Variants in KIAA0586 observed in about 807,000 individuals in gnomAD.
KIAA0586 encodes the protein KIAA0586.
KIAA0586 carries 144 observed loss-of-function variants against 169.8 expected under a neutral mutation model. That is an observed-to-expected ratio of 0.85 (90% CI 0.74 to 0.97). The LOEUF (loss-of-function observed/expected upper bound fraction) is 0.97, where lower values mean the gene tolerates loss of function less well. Among genes scored for constraint, KIAA0586 ranks in the 50% least tolerant of loss-of-function variants. The pLI is 0.00. For synonymous variants in KIAA0586, 625 were observed against 612.4 expected, an observed-to-expected ratio of 1.02 and a Z score of -0.30; for missense variants, 1,854 against 1,823.0, an observed-to-expected ratio of 1.02 and a Z score of -0.31.
intron 21 of KIAA0586, among the ~76,000 whole-genome samples, chr14:58,484,916 A>ATATATATTTATATATATT (rs2042322124): frequency 3.0e-4 from 1 of 3,308 alleles, no homozygotes; most frequent in Non-Finnish European, 6.7e-4. Flanking sequence ...ATATATATAT[A>ATATATATTTATATATATT]TATATATATT....
intron 29 of KIAA0586, among the ~76,000 whole-genome samples, chr14:58,516,689 CA>C (rs912765564): frequency 1.9e-4 from 29 of 151,958 alleles, no homozygotes; most frequent in Admixed American, 2.0e-4. Flanking sequence ...CTAGAATAGC[CA>C]AAATAACTTT....
At chr14:58,427,532 A>AAAAT (rs916341041), upstream of KIAA0586, 49 of 1,498,034 alleles carry the variant, frequency 3.3e-5, no homozygotes, top group African/African-American at 1.1e-4. Flanking sequence ...GTGCTACCTT[A>AAAAT]AAATAAATAA....
chr14:58,480,161 C>A (rs1161820333), intron 20 of KIAA0586, among the ~76,000 whole-genome samples: 1 of 151,942 alleles, frequency 6.6e-6, no homozygotes, highest in East Asian at 1.9e-4. Context: ...ATAGGTTGGC[C>A]TTCTTTTGCC....
At chr14:58,529,901 G>T (rs1297461460) in intron 29 of KIAA0586, among the ~76,000 whole-genome samples, 1 of 152,160 alleles carries the variant, frequency 6.6e-6, no homozygotes, top group South Asian at 2.1e-4. Context: ...CAAATAGGAA[G>T]GGAGGAAGTC....
At chr14:58,435,677 C>G (rs1392542399) in intron 4 of KIAA0586, among the ~76,000 whole-genome samples, 1 of 152,052 alleles carries the variant, frequency 6.6e-6, no homozygotes, top group Non-Finnish European at 1.5e-5. Context: ...ACATAATACC[C>G]ACAAACTTCT....
intron 10 of KIAA0586, 87 bp from the exon 11 acceptor site, chr14:58,457,672 T>C (rs765303238): frequency 1.3e-6 from 1 of 778,234 alleles, no homozygotes; most frequent in Non-Finnish European, 2.1e-6. Flanking sequence ...TGGTATAATG[T>C]ATGGCCTCAA....
chr14:58,447,453 A>T (rs1429131685), intron 6 of KIAA0586, among the ~76,000 whole-genome samples: 2 of 118,748 alleles, frequency 1.7e-5, no homozygotes, highest in Admixed American at 1.9e-4. Context: ...ATTTTATTTT[A>T]TTTTATTTTA....
chr14:58,512,699 T>G, intron 29 of KIAA0586, 72 bp downstream of exon 29: 1 of 882,724 alleles, frequency 1.1e-6, no homozygotes, highest in Non-Finnish European at 1.7e-6. Flanking sequence ...ATGAGAATTC[T>G]TTACTTTTTA....
At chr14:58,508,417 G>A in intron 27 of KIAA0586, 138 bp from the exon 28 acceptor site, 1 of 641,112 alleles carries the variant, frequency 1.6e-6, no homozygotes, top group South Asian at 2.2e-5. Context: ...GCTTGGTCCA[G>A]GTGTTTTTGT....
chr14:58,473,283 C>CT (rs1292941682), intron 18 of KIAA0586, among the ~76,000 whole-genome samples: 6 of 151,994 alleles, frequency 3.9e-5, no homozygotes, highest in Non-Finnish European at 8.8e-5. Flanking sequence ...GGGAAAGTGG[C>CT]TAGATGAGAC....
chr14:58,560,083 G>A, the KIAA0586 span, among the ~76,000 whole-genome samples: 12 of 151,604 alleles, frequency 7.9e-5, no homozygotes, highest in South Asian at 2.1e-3. Flanking sequence ...CCTGGGAGGC[G>A]GAGGTTGCAG....
intron 27 of KIAA0586, among the ~76,000 whole-genome samples, chr14:58,504,193 C>T (rs2043775076): frequency 6.6e-6 from 1 of 152,036 alleles, no homozygotes; most frequent in South Asian, 2.1e-4. Context: ...GGCAAGGAGC[C>T]TGATTAGACA....
chr14:58,450,290 T>A (rs557189828), intron 7 of KIAA0586, among the ~76,000 whole-genome samples: 48 of 152,332 alleles, frequency 3.2e-4, no homozygotes, highest in African/African-American at 1.2e-3. Flanking sequence ...CCAGATGGTT[T>A]ATCAGTTTTC....
intron 29 of KIAA0586, chr14:58,522,092 C>A (rs529295970): frequency 4.4e-6 from 3 of 678,252 alleles, no homozygotes; most frequent in Non-Finnish European, 7.9e-6. Flanking sequence ...GTATCTTCAG[C>A]ACATGCTCAC....
At chr14:58,555,841 T>C (rs1013480034), downstream of KIAA0586, among the ~76,000 whole-genome samples, 2 of 152,194 alleles carry the variant, frequency 1.3e-5, no homozygotes, top group Non-Finnish European at 2.9e-5. Context: ...CTTGTCTAAA[T>C]TGAGACAATT....
intron 3 of KIAA0586, among the ~76,000 whole-genome samples, chr14:58,431,402 A>G (rs1354895109): frequency 6.6e-6 from 1 of 152,044 alleles, no homozygotes; most frequent in Non-Finnish European, 1.5e-5. Context: ...AGCTGGGATT[A>G]CAGGTGCACA....
chr14:58,487,139 C>G lies in KIAA0586; in HGVS notation c.3277C>G (p.Pro1093Ala), dbSNP rs77810875. 3 of 1,611,848 alleles carry G rather than the reference C, an allele frequency of 1.9e-6. No homozygotes were observed. In the East Asian group the frequency reaches 6.7e-5, roughly 36 times the overall value. ...PCDSDHDMAF[P>A]VKEICAEKGD... The stretch of plus-strand genomic sequence containing the variant: ...TGATTCGGATCATGATATGGCTTTT[C>G]CTGTGAAAGAAATATGTGCTGAAAA... The change falls in exon 22 of 31, where the codon CCT (proline) becomes GCT (alanine). Residue 1093 changes from proline to alanine, a missense_variant. Physicochemically the swap from Pro to Ala is conservative, Grantham distance 27 (BLOSUM62 -1). Transcript: ENST00000652326.
At position 58,450,706 on chromosome 14, in the gene KIAA0586, T is replaced by C; in HGVS notation, c.1089T>C (p.Leu363=). The change falls in exon 8 of 31, where the codon CTT becomes CTC. Residue 363 remains leucine, a synonymous_variant. Coordinates refer to ENST00000652326, the MANE Select transcript of KIAA0586 (RefSeq NM_001329943.3). ...RDDELSKREN[L]LEEKENMEVS... is the part of the protein sequence containing the mutation. ...ATGAACTATCAAAGAGGGAAAATCT[T>C]TTGGAAGAAAAAGAAAATATGGAAG... is the stretch of plus-strand genomic sequence containing the variant. 6.2e-7 allele frequency: 1 copy of C among 1,609,006 alleles called. No individual in the cohort carries two copies. The highest frequency in any genetic ancestry group is 2.2e-5 in the East Asian group (1 of 44,800).
chr14:58,557,775 T>TATAC, the KIAA0586 span, among the ~76,000 whole-genome samples: 1 of 152,078 alleles, frequency 6.6e-6, no homozygotes, highest in African/African-American at 2.4e-5. Context: ...TAGTTAGGGA[T>TATAC]ATACAAAGTG....
Sources: allele counts gnomAD v4.1 joint callset (sites outside exome capture counted in the v4.1 genomes callset), GRCh38; gene constraint gnomAD v4.1.1; transcripts MANE v1.5; gene names NCBI Gene and HGNC (gene_info 2026-07-23, HGNC 2026-07-21).